The following CNTNAP5 variants were observed in gnomAD, a reference collection of about 807,000 sequenced individuals.
CNTNAP5 encodes contactin associated protein family member 5.
In CNTNAP5, 72 loss-of-function variants were observed where a neutral mutation model predicts 150.2. The ratio of observed to expected loss-of-function variants is 0.48; its 90% CI spans 0.40 to 0.58. The LOEUF is 0.58. CNTNAP5 is among the 20% of genes least tolerant of loss of function. The pLI is 0.00. For synonymous variants in CNTNAP5, 672 were observed against 619.8 expected (o/e 1.08, Z -1.25); for missense variants, 1,636 against 1,626.2 (o/e 1.01, Z -0.10).
At chr2:124,812,450 G>C (rs1558785741) in intron 19 of CNTNAP5, among the ~76,000 whole-genome samples, 1 of 151,722 alleles carries the variant, frequency 6.6e-6, no homozygotes, top group Non-Finnish European at 1.5e-5. Context: ...GACAGGAAAG[G>C]GGCGGTTGGA....
chr2:124,781,504 T>C (rs1344240399), intron 17 of CNTNAP5, among the ~76,000 whole-genome samples: 1 of 152,182 alleles, frequency 6.6e-6, no homozygotes, highest in Non-Finnish European at 1.5e-5. Flanking sequence ...GAGACTTGTG[T>C]GCCCACTCAG....
At position 124,914,339 on chromosome 2, in the gene CNTNAP5, T is replaced by C; in HGVS notation, c.*51T>C. On this transcript the variant is annotated 3_prime_UTR_variant, in exon 24 of 24. Coordinates refer to ENST00000682447, the MANE Select transcript of CNTNAP5 (RefSeq NM_001367498.1). ...TTTTTCTTGTTGTTCAATTATCTCC[T>C]CCCCCTCTTCTCTCCTGTCTTTTGA... The C allele has an allele frequency of 2.4e-6, 3 of 1,271,456 alleles. No individual in the cohort carries two copies. Among genetic ancestry groups the C allele is most frequent in the Non-Finnish European group, 3.4e-6 (3 of 889,390 alleles). The allele number at this position is 1,271,456 out of a possible 1,614,324, so 78.8% of individuals were successfully genotyped here.
At chr2:124,691,743 T>A (rs183536715) in intron 13 of CNTNAP5, among the ~76,000 whole-genome samples, 52 of 152,162 alleles carry the variant, frequency 3.4e-4, no homozygotes, top group Non-Finnish European at 5.9e-5. Flanking sequence ...CATGAACTTC[T>A]GTGATCTGGA....
chr2:124,112,142 G>C (rs2104706782), intron 1 of CNTNAP5, among the ~76,000 whole-genome samples: 1 of 152,290 alleles, frequency 6.6e-6, no homozygotes, highest in African/African-American at 2.4e-5. Context: ...TAGAAATCTG[G>C]CTGGCTTTTT....
chr2:124,362,812 G>A (rs145267898), intron 3 of CNTNAP5, among the ~76,000 whole-genome samples: 10 of 152,220 alleles, frequency 6.6e-5, no homozygotes, highest in South Asian at 2.1e-4. Context: ...TGGATTTTAC[G>A]CCTCATGAGC....
At chr2:124,677,172 G>A (rs1469851435) in intron 13 of CNTNAP5, among the ~76,000 whole-genome samples, 1 of 152,110 alleles carries the variant, frequency 6.6e-6, no homozygotes, top group African/African-American at 2.4e-5. Context: ...TGGGTTCACG[G>A]TCTCACTGAC....
At chr2:124,836,337 TATC>T (rs1682828708) in intron 19 of CNTNAP5, among the ~76,000 whole-genome samples, 1 of 152,162 alleles carries the variant, frequency 6.6e-6, no homozygotes, top group African/African-American at 2.4e-5. Flanking sequence ...CAGATATTGA[TATC>T]ATAATGTCAT....
intron 1 of CNTNAP5, among the ~76,000 whole-genome samples, chr2:124,164,718 G>T (rs546824035): frequency 6.6e-6 from 1 of 152,140 alleles, no homozygotes; most frequent in Non-Finnish European, 1.5e-5. Flanking sequence ...ACAGGGCCAC[G>T]TAAATCACAT....
chr2:124,847,612 T>C (rs1182128784), intron 19 of CNTNAP5, among the ~76,000 whole-genome samples: 1 of 152,156 alleles, frequency 6.6e-6, no homozygotes, highest in East Asian at 1.9e-4. Flanking sequence ...GTGATCCAGT[T>C]CCTTCAAAGG....
chr2:124,516,064 G>T (rs1694709456), intron 8 of CNTNAP5, among the ~76,000 whole-genome samples: 3 of 152,082 alleles, frequency 2.0e-5, no homozygotes, highest in Admixed American at 2.0e-4. Flanking sequence ...ATAAGGAATA[G>T]AACAAAAATA....
chr2:124,623,290 G>T (rs765946580), intron 12 of CNTNAP5, among the ~76,000 whole-genome samples: 1 of 152,090 alleles, frequency 6.6e-6, no homozygotes, highest in African/African-American at 2.4e-5. Context: ...ACAACAGCTA[G>T]GCTGATCTTT....
At chr2:124,196,530 C>T (rs1355381035) in intron 1 of CNTNAP5, among the ~76,000 whole-genome samples, 2 of 152,132 alleles carry the variant, frequency 1.3e-5, no homozygotes, top group African/African-American at 4.8e-5. Flanking sequence ...AAAGATAGTA[C>T]ACTCATTATC....
intron 11 of CNTNAP5, among the ~76,000 whole-genome samples, chr2:124,580,267 C>T (rs928133030): frequency 6.6e-6 from 1 of 152,204 alleles, no homozygotes; most frequent in Admixed American, 6.5e-5. Context: ...CTAAAGCTGC[C>T]TCTTTACATA....
At chr2:124,503,085 T>C (rs1485372002) in intron 7 of CNTNAP5, among the ~76,000 whole-genome samples, 1 of 152,216 alleles carries the variant, frequency 6.6e-6, no homozygotes, top group Non-Finnish European at 1.5e-5. Context: ...TCAAGGTCCT[T>C]ACCCTTTGAC....
At chr2:124,438,576 G>A (rs1216215704) in intron 5 of CNTNAP5, among the ~76,000 whole-genome samples, 1 of 152,040 alleles carries the variant, frequency 6.6e-6, no homozygotes, top group Non-Finnish European at 1.5e-5. Context: ...AGCACCTGGG[G>A]GCCGAGTACA....
intron 19 of CNTNAP5, among the ~76,000 whole-genome samples, chr2:124,829,325 A>T (rs768371952): frequency 6.6e-6 from 1 of 152,168 alleles, no homozygotes. Flanking sequence ...CAGAACCAGT[A>T]TGGATTGTTC....
Position 124,845,380 on chromosome 2 carries a change from G to A in CNTNAP5, c.3218-19926G>A, listed in dbSNP as rs148700739. Among the ~76,000 whole-genome samples, 129 of 150,862 alleles carry A rather than the reference G, an allele frequency of 8.6e-4. 1 individual carries two copies. In the East Asian group the frequency reaches 0.022, roughly 25 times the overall value. ...TTTGATATGTTGTTGAATTTGGTTG[G>A]CTGGTATTTTGTTAAAAATTTTTGC... On this transcript the variant is annotated intron_variant, in intron 19 of 23. Coordinates refer to ENST00000682447, the MANE Select transcript of CNTNAP5 (RefSeq NM_001367498.1).
chr2:124,833,329 T>C (rs185389332), intron 19 of CNTNAP5, among the ~76,000 whole-genome samples: 57 of 152,196 alleles, frequency 3.7e-4, no homozygotes, highest in African/African-American at 1.3e-3. Context: ...GATCTGAGAC[T>C]CAGGAGAGAC....
chr2:124,605,127 C>T (rs1025040666), intron 11 of CNTNAP5, among the ~76,000 whole-genome samples: 5 of 152,168 alleles, frequency 3.3e-5, no homozygotes, highest in African/African-American at 4.8e-5. Flanking sequence ...TGAGAGGCCA[C>T]GTGGGCCGAA....
Sources: gnomAD v4.1 joint callset for allele counts (sites outside exome capture counted in the v4.1 genomes callset) on GRCh38, gnomAD v4.1.1 for gene constraint, MANE v1.5 for transcripts, NCBI Gene and HGNC (gene_info 2026-07-23, HGNC 2026-07-21) for gene names.